The following ADGRL3 variants were observed in gnomAD, a reference collection of about 807,000 sequenced individuals.
The protein encoded by ADGRL3 is calcium-independent alpha-latrotoxin receptor 3.
Under a neutral mutation model 153.5 loss-of-function variants are expected in ADGRL3, and 62 were observed. The ratio of observed to expected loss-of-function variants is 0.40; its 90% CI spans 0.33 to 0.50. The LOEUF is 0.50. Ranked by LOEUF, ADGRL3 falls within the 20% of genes least tolerant of loss-of-function variation. ADGRL3 has a pLI of 0.47. For missense variants in ADGRL3, 1,641 were observed against 1,859.4 expected, an observed-to-expected ratio of 0.88 and a Z score of 2.16; for synonymous variants, 710 against 672.5, an observed-to-expected ratio of 1.06 and a Z score of -0.86.
At chr4:61,566,310 T>C (rs1243493997) in intron 4 of ADGRL3, among the ~76,000 whole-genome samples, 2 of 152,144 alleles carry the variant, frequency 1.3e-5, no homozygotes, top group Admixed American at 1.3e-4. Context: ...TATAAAGACA[T>C]GAGTTCTGTT....
intron 6 of ADGRL3, among the ~76,000 whole-genome samples, chr4:61,687,456 C>G (rs2095467397): frequency 6.6e-6 from 1 of 151,826 alleles, no homozygotes; most frequent in Non-Finnish European, 1.5e-5. Flanking sequence ...GAGCCACTAG[C>G]CTCTAATAGT....
intron 21 of ADGRL3, among the ~76,000 whole-genome samples, chr4:62,003,173 T>C (rs2099146352): frequency 6.6e-6 from 1 of 152,188 alleles, no homozygotes. Context: ...TTTGCTTTTC[T>C]GTATCCGTCC....
intron 2 of ADGRL3, among the ~76,000 whole-genome samples, chr4:61,459,456 C>T (rs335343): frequency 0.93 from 141,777 of 151,980 alleles, 66,947 homozygotes; most frequent in East Asian, 1. Flanking sequence ...GTCATTCATC[C>T]AGTAATGGAC....
intron 21 of ADGRL3, among the ~76,000 whole-genome samples, chr4:62,021,843 C>T (rs888844266): frequency 2.6e-5 from 4 of 152,108 alleles, no homozygotes; most frequent in Non-Finnish European, 4.4e-5. Flanking sequence ...ACTGTTCCAC[C>T]GACCAGCTGT....
intron 8 of ADGRL3, among the ~76,000 whole-genome samples, chr4:61,744,763 G>GA (rs2096631965): frequency 1.3e-5 from 2 of 152,172 alleles, no homozygotes; most frequent in South Asian, 4.2e-4. Flanking sequence ...CAAAGATGGG[G>GA]AAAAAACAGA....
chr4:61,701,580 A>C (rs2095760897), intron 6 of ADGRL3, among the ~76,000 whole-genome samples: 1 of 151,632 alleles, frequency 6.6e-6, no homozygotes. Context: ...GACTAGATGC[A>C]TGCCACCATG....
At chr4:62,021,364 A>G (rs536410195) in intron 21 of ADGRL3, among the ~76,000 whole-genome samples, 1 of 152,250 alleles carries the variant, frequency 6.6e-6, no homozygotes, top group South Asian at 2.1e-4. Flanking sequence ...AGTTATTAAA[A>G]TGCTTGGCTG....
chr4:61,851,589 CAAAAAAAA>C (rs759990537), intron 9 of ADGRL3, among the ~76,000 whole-genome samples: 80 of 55,224 alleles, frequency 1.4e-3, no homozygotes, highest in Non-Finnish European at 1.6e-3. Context: ...GACCATGTCT[CAAAAAAAA>C]AAAAAAAAAA....
intron 2 of ADGRL3, among the ~76,000 whole-genome samples, chr4:61,479,154 A>G (rs748329074): frequency 6.6e-6 from 1 of 152,050 alleles, no homozygotes; most frequent in Non-Finnish European, 1.5e-5. Context: ...ATGCCTCTTG[A>G]CATCTTGACT....
At chr4:61,538,674 T>C (rs2098672163) in intron 4 of ADGRL3, among the ~76,000 whole-genome samples, 1 of 152,118 alleles carries the variant, frequency 6.6e-6, no homozygotes, top group Admixed American at 6.6e-5. Flanking sequence ...ACTCCCTACC[T>C]CTGGTGATCC....
intron 8 of ADGRL3, among the ~76,000 whole-genome samples, chr4:61,753,991 G>C (rs556356847): frequency 3.9e-5 from 6 of 152,286 alleles, no homozygotes; most frequent in Non-Finnish European, 1.5e-5. Flanking sequence ...CTCTTCCCAA[G>C]ATACTCAATG....
intron 1 of ADGRL3, among the ~76,000 whole-genome samples, chr4:61,320,749 T>A (rs544558188): frequency 3.3e-5 from 5 of 152,226 alleles, no homozygotes; most frequent in African/African-American, 1.2e-4. Context: ...ACTCTTAAAA[T>A]TAACTATCAC....
Position 61,714,429 on chromosome 4 carries a change from C to T in ADGRL3, c.584-16193C>T, listed in dbSNP as rs146871406. On this transcript the variant is annotated intron_variant, in intron 6 of 26. Transcript: ENST00000683033. ...GATGCCTCTGCACACATGTTGTATC[C>T]CCTTGGCCCAATTCTGATTTCGGCC... Among the ~76,000 whole-genome samples the T allele has an allele frequency of 5.3e-5, 8 of 152,248 alleles. No individual in the cohort carries two copies. The East Asian group carries it at 1.5e-3, about 29-fold the overall frequency.
chr4:61,226,084 G>A (rs1747828931), intron 1 of ADGRL3, among the ~76,000 whole-genome samples: 1 of 151,776 alleles, frequency 6.6e-6, no homozygotes, highest in Non-Finnish European at 1.5e-5. Context: ...ATTCATCTTG[G>A]GTTACCTGAG....
In ADGRL3 at chr4:61,926,183, G is replaced by A. The variant is rs149712276; in HGVS notation, c.2113-8657G>A. Among the ~76,000 whole-genome samples the A allele has an allele frequency of 4.3e-3, 648 of 152,274 alleles. 7 individuals are homozygous for A. The highest frequency in any genetic ancestry group is 0.015 in the African/African-American group (608 of 41,546). ...AAAGCTAGTACACCTGTATAGAGCA[G>A]CTCCATTTTAATTTTATGGGACCAG... On this transcript the variant is annotated intron_variant, in intron 13 of 26. Transcript: ENST00000683033.
chr4:61,653,145 C>CTT (rs1371551313), intron 5 of ADGRL3, among the ~76,000 whole-genome samples: 1 of 105,932 alleles, frequency 9.4e-6, no homozygotes, highest in African/African-American at 3.3e-5. Flanking sequence ...CTCTCTCTCT[C>CTT]TCTCTGTCTC....
At position 61,370,365 on chromosome 4, in the gene ADGRL3, G is replaced by T. The variant is rs1360370635; in HGVS notation, c.-239-12759G>T. Among the ~76,000 whole-genome samples the T allele has an allele frequency of 4.0e-5, 6 of 151,464 alleles. 1 individual carries two copies. The highest frequency in any genetic ancestry group is 3.9e-4 in the East Asian group (2 of 5,168). ...CTTTCCTGCTTTCTCTTGTGGGCAT[G>T]TAGTGCTATAAATTTCCGTCTACAC... On this transcript the variant is annotated intron_variant, in intron 1 of 26. Transcript: ENST00000683033.
At chr4:61,722,403 A>G (rs2096258015) in intron 6 of ADGRL3, among the ~76,000 whole-genome samples, 1 of 152,170 alleles carries the variant, frequency 6.6e-6, no homozygotes, top group African/African-American at 2.4e-5. Flanking sequence ...GAAAAAAACA[A>G]AACACCAACA....
rs540801619 is a variant in ADGRL3, at chr4:61,571,703, G to A, written c.260-15524G>A. Among the ~76,000 whole-genome samples, 8 of 152,226 alleles carry A rather than the reference G, an allele frequency of 5.3e-5. No individual in the cohort carries two copies. In the South Asian group the frequency reaches 1.7e-3, roughly 32 times the overall value. ...CATATATTCACTTGAAACCCTAGTA[G>A]CATCAAAACATACTAGAAATAGAAC... On this transcript the variant is annotated intron_variant, in intron 4 of 26. Transcript: ENST00000683033.
Sources: gnomAD v4.1 joint callset for allele counts (sites outside exome capture counted in the v4.1 genomes callset) on GRCh38, gnomAD v4.1.1 for gene constraint, MANE v1.5 for transcripts, NCBI Gene and HGNC (gene_info 2026-07-23, HGNC 2026-07-21) for gene names.